Variants in LRPPRC observed in about 807,000 individuals in gnomAD.
LRPPRC encodes leucine-rich PPR motif-containing protein, mitochondrial.
A neutral mutation model predicts 180.3 loss-of-function variants in LRPPRC; 120 were observed. The ratio of observed to expected loss-of-function variants is 0.67; its 90% CI spans 0.57 to 0.77. The LOEUF (loss-of-function observed/expected upper bound fraction) is 0.77, where lower values mean the gene tolerates loss of function less well. LRPPRC is among the 30% of genes least tolerant of loss of function. LRPPRC has a pLI of 0.00. For missense variants in LRPPRC, 2,012 were observed against 1,657.2 expected, an observed-to-expected ratio of 1.21 and a Z score of -3.72; for synonymous variants, 723 against 600.0, an observed-to-expected ratio of 1.21 and a Z score of -3.00.
intron 33 of LRPPRC, 63 bp from the exon 34 acceptor site, chr2:43,899,397 G>T (rs1052450894): frequency 1.2e-6 from 2 of 1,602,312 alleles, no homozygotes; most frequent in African/African-American, 2.7e-5. Flanking sequence ...ACCTACCAAA[G>T]AAATTTGGTC....
In LRPPRC at chr2:43,891,639, CT is replaced by C. The variant is rs1670496566; in HGVS notation, c.3986-1764del. ...ACTGCGATGCTGACTAGTAATTCTC[CT>C]GTCTTCCTCTACTCAGGCCTCCCTA... On this transcript the variant is annotated intron_variant, in intron 36 of 37. Transcript: ENST00000260665. Among the ~76,000 whole-genome samples, 4 of 152,316 alleles carry C rather than the reference CT, an allele frequency of 2.6e-5. No individual in the cohort carries two copies. The South Asian group carries it at 8.3e-4, about 32-fold the overall frequency.
intron 1 of LRPPRC, among the ~76,000 whole-genome samples, chr2:43,982,905 C>G (rs989857209): frequency 1.3e-5 from 2 of 151,098 alleles, no homozygotes; most frequent in African/African-American, 2.4e-5. Flanking sequence ...TAAAAGAAGA[C>G]CAATGTCCAG....
At position 43,899,238 on chromosome 2, in the gene LRPPRC, T is replaced by C; in HGVS notation, c.3806A>G (p.Asp1269Gly). The change falls in exon 34 of 38, where the codon GAT (aspartate) becomes GGT (glycine). Residue 1269 changes from aspartate to glycine, a missense_variant. Physicochemically the swap from Asp to Gly is moderately conservative, Grantham distance 94. Transcript: ENST00000260665. ...LQLVDAGKVDDARALLQRCGA... is the reference protein window; with the variant it reads ...LQLVDAGKVDGARALLQRCGA... ...CATTACCTGTAGGAGAGCTCTGGCA[T>C]CATCCACCTTGCCTGCATCCACAAG... 6.2e-7 allele frequency: 1 copy of C among 1,613,902 alleles called. No homozygotes were observed. The highest frequency in any genetic ancestry group is 8.5e-7 in the Non-Finnish European group (1 of 1,179,796).
At chr2:43,994,119 A>T (rs1025915266) in intron 1 of LRPPRC, among the ~76,000 whole-genome samples, 3 of 152,178 alleles carry the variant, frequency 2.0e-5, no homozygotes, top group African/African-American at 7.2e-5. Context: ...AATGCTGAGG[A>T]TTAGAAAAAT....
chr2:43,911,427 G>T (rs1015775084), intron 30 of LRPPRC, among the ~76,000 whole-genome samples: 2 of 151,902 alleles, frequency 1.3e-5, no homozygotes, highest in South Asian at 4.2e-4. Flanking sequence ...AGGATGGCAG[G>T]CATCCATTTT....
At chr2:43,920,227 C>A (rs1459140104) in intron 27 of LRPPRC, among the ~76,000 whole-genome samples, 6 of 152,048 alleles carry the variant, frequency 3.9e-5, no homozygotes, top group African/African-American at 1.4e-4. Flanking sequence ...CCTCCGCCTC[C>A]AGGGTTCAAG....
intron 20 of LRPPRC, 49 bp downstream of exon 20, chr2:43,947,208 C>A (rs1338307363): frequency 2.4e-6 from 2 of 836,592 alleles, no homozygotes; most frequent in South Asian, 3.1e-5. Flanking sequence ...CTTATTGTTA[C>A]CAAGAATTTT....
At chr2:43,986,282 A>T (rs1290783012) in intron 1 of LRPPRC, among the ~76,000 whole-genome samples, 1 of 152,052 alleles carries the variant, frequency 6.6e-6, no homozygotes, top group Non-Finnish European at 1.5e-5. Flanking sequence ...GGCACACACC[A>T]CCATGCCCGA....
intron 11 of LRPPRC, among the ~76,000 whole-genome samples, chr2:43,966,414 A>ATTTT (rs70965324): frequency 1.4e-5 from 2 of 147,186 alleles, no homozygotes; most frequent in Non-Finnish European, 3.0e-5. Context: ...TGGCCACAAT[A>ATTTT]TTTTTTTTTT....
intron 27 of LRPPRC, among the ~76,000 whole-genome samples, chr2:43,919,624 C>A (rs1413723394): frequency 6.6e-6 from 1 of 152,016 alleles, no homozygotes; most frequent in Non-Finnish European, 1.5e-5. Context: ...AGCAAAAACT[C>A]CAGAATCAAA....
chr2:43,954,674 C>A (rs1304512163), intron 14 of LRPPRC, among the ~76,000 whole-genome samples: 2 of 152,118 alleles, frequency 1.3e-5, no homozygotes, highest in African/African-American at 4.8e-5. Context: ...CACACATGTG[C>A]ATGCATGTGC....
rs1420984063 is a variant in LRPPRC, at chr2:43,948,394, CA to C, written c.1842+17del. The C allele has an allele frequency of 1.3e-6, 2 of 1,534,644 alleles. No homozygotes were observed. The highest frequency in any genetic ancestry group is 1.7e-5 in the Admixed American group (1 of 59,888). On this transcript the variant is annotated intron_variant, in intron 17 of 37. Coordinates refer to ENST00000260665, the MANE Select transcript of LRPPRC (RefSeq NM_133259.4). ...GTCAGGCAGGACAGGCATTATATAG[CA>C]AAAAACGAAATGGTACCATCTTCTC...
At chr2:43,902,683 T>C (rs1043502293) in intron 31 of LRPPRC, 11 of 152,088 alleles carry the variant, frequency 7.2e-5, no homozygotes, top group East Asian at 1.9e-4. Context: ...CATGCACATA[T>C]AGGAAACAAA....
chr2:43,952,380 T>C (rs1270714738), intron 14 of LRPPRC, among the ~76,000 whole-genome samples: 1 of 152,108 alleles, frequency 6.6e-6, no homozygotes, highest in African/African-American at 2.4e-5. Flanking sequence ...AAAACAAAAA[T>C]AAACGGTATC....
At chr2:43,996,094 GA>G, upstream of LRPPRC, 1 of 681,484 alleles carries the variant, frequency 1.5e-6, no homozygotes, top group Non-Finnish European at 2.4e-6. Context: ...TTGGAAGATG[GA>G]AAACCGCACT....
chr2:43,969,823 T>C (rs530841207), intron 11 of LRPPRC, among the ~76,000 whole-genome samples: 2 of 152,100 alleles, frequency 1.3e-5, no homozygotes, highest in East Asian at 3.9e-4. Flanking sequence ...GCTAGGAGTA[T>C]GCCACCTCGC....
rs1167262967 is a variant in LRPPRC at position 43,934,183 on chromosome 2, A to G, written c.2736+7T>C. On this transcript the variant is annotated splice_region_variant and intron_variant, in intron 25 of 37. Coordinates refer to ENST00000260665, the MANE Select transcript of LRPPRC (RefSeq NM_133259.4). ...CTACAATTAGAACACTGTAGTTAAA[A>G]TCACACCTCAATGATCTTCTTGGCC... is the stretch of plus-strand genomic sequence containing the variant. 3 of 1,527,680 alleles carry G rather than the reference A, an allele frequency of 2.0e-6. No homozygotes were observed. Among genetic ancestry groups the G allele is most frequent in the Non-Finnish European group, 2.7e-6 (3 of 1,102,248 alleles). 94.6% of individuals were successfully genotyped at this position (1,527,680 alleles called of 1,614,324 possible).
chr2:43,943,717 C>A lies in LRPPRC; in HGVS notation c.2474G>T (p.Ser825Ile). Residue 825 changes from serine to isoleucine, a missense_variant, in exon 23 of 38, where the codon AGT becomes ATT. Ser to Ile is a moderately radical substitution (Grantham distance 142). Coordinates refer to ENST00000260665, the MANE Select transcript of LRPPRC (RefSeq NM_133259.4). The stretch of plus-strand genomic sequence containing the variant: ...CAAGTGTACAGTGACCAATGGGAAA[C>A]TTATGTTGGTGGATGGTTCTGCTAA... ...LGLAEPSTNI[S>I]FPLVTVHLEK... 1 of 1,613,320 alleles carries A rather than the reference C, an allele frequency of 6.2e-7. No individual in the cohort carries two copies.
intron 1 of LRPPRC, among the ~76,000 whole-genome samples, chr2:43,983,282 C>A (rs1161963672): frequency 1.3e-5 from 2 of 151,838 alleles, no homozygotes; most frequent in African/African-American, 4.8e-5. Context: ...AATCTGAGGG[C>A]TTCTAGGCTG....
Sources: gnomAD v4.1 joint callset for allele counts (sites outside exome capture counted in the v4.1 genomes callset) on GRCh38, gnomAD v4.1.1 for gene constraint, MANE v1.5 for transcripts, NCBI Gene and HGNC (gene_info 2026-07-23, HGNC 2026-07-21) for gene names.